The following ZNRF3 variants were observed in gnomAD, a reference collection of about 807,000 sequenced individuals.
ZNRF3 encodes E3 ubiquitin-protein ligase ZNRF3.
ZNRF3 carries 23 observed loss-of-function variants against 72.5 expected under a neutral mutation model. The observed-to-expected ratio is 0.32, with a 90% CI of 0.23 to 0.45. The LOEUF (loss-of-function observed/expected upper bound fraction) is 0.45. Among genes scored for constraint, ZNRF3 ranks in the 20% least tolerant of loss-of-function variants. ZNRF3 has a pLI of 1.00. For missense variants in ZNRF3, 1,169 were observed against 1,272.1 expected (o/e 0.92, Z 1.23); for synonymous variants, 610 against 545.3 (o/e 1.12, Z -1.65).
At chr22:28,962,990 C>T (rs1230746759) in intron 1 of ZNRF3, among the ~76,000 whole-genome samples, 2 of 152,178 alleles carry the variant, frequency 1.3e-5, no homozygotes, top group African/African-American at 4.8e-5. Flanking sequence ...ATATACATGG[C>T]CTGAATGGAT....
chr22:28,914,418 G>A (rs1251964440), intron 1 of ZNRF3, among the ~76,000 whole-genome samples: 1 of 151,366 alleles, frequency 6.6e-6, no homozygotes, highest in Non-Finnish European at 1.5e-5. Flanking sequence ...CCATTGAGAT[G>A]CTAAGAGGAA....
At chr22:29,031,487 C>G in intron 2 of ZNRF3, 1 of 708,636 alleles carries the variant, frequency 1.4e-6, no homozygotes, top group Non-Finnish European at 1.7e-6. Flanking sequence ...GCCTTGGGAG[C>G]CCCCTTGCCC....
chr22:28,941,613 T>A (rs565398789), intron 1 of ZNRF3, among the ~76,000 whole-genome samples: 2 of 152,232 alleles, frequency 1.3e-5, no homozygotes, highest in African/African-American at 4.8e-5. Context: ...GACAGACCCA[T>A]TCATTAAAAA....
intron 2 of ZNRF3, among the ~76,000 whole-genome samples, chr22:29,003,711 A>T (rs983190785): frequency 2.0e-5 from 3 of 148,696 alleles, no homozygotes; most frequent in African/African-American, 7.5e-5. Flanking sequence ...GTGGTGGTGC[A>T]TGCCTGTGGT....
At chr22:28,937,752 C>T (rs748192431) in intron 1 of ZNRF3, among the ~76,000 whole-genome samples, 6 of 152,126 alleles carry the variant, frequency 3.9e-5, no homozygotes, top group Non-Finnish European at 5.9e-5. Flanking sequence ...TCTTACCACT[C>T]GGGAGAGAAC....
At chr22:28,917,882 G>A (rs1447772978) in intron 1 of ZNRF3, among the ~76,000 whole-genome samples, 1 of 152,164 alleles carries the variant, frequency 6.6e-6, no homozygotes, top group Non-Finnish European at 1.5e-5. Context: ...TGGGCTTTTG[G>A]GGACAGGTTT....
At chr22:28,994,767 A>G (rs575812939) in intron 2 of ZNRF3, among the ~76,000 whole-genome samples, 18 of 152,350 alleles carry the variant, frequency 1.2e-4, no homozygotes, top group Admixed American at 7.2e-4. Context: ...TAAAAAAACA[A>G]TGGTATTACT....
At chr22:28,888,860 G>A (rs936874560) in intron 1 of ZNRF3, among the ~76,000 whole-genome samples, 4 of 152,080 alleles carry the variant, frequency 2.6e-5, no homozygotes, top group South Asian at 2.1e-4. Context: ...GCTCACGCCT[G>A]TAATCCCAGC....
Position 28,903,986 on chromosome 22 carries a change from CT to C in ZNRF3, c.300+19921del, listed in dbSNP as rs556486542. Among the ~76,000 whole-genome samples the C allele has an allele frequency of 7.9e-3, 1,205 of 152,224 alleles. 16 individuals carry two copies. The highest frequency in any genetic ancestry group is 0.028 in the African/African-American group (1,155 of 41,508). On this transcript the variant is annotated intron_variant, in intron 1 of 8. Coordinates refer to ENST00000544604, the MANE Select transcript of ZNRF3 (RefSeq NM_001206998.2). ...TCAGTGGGCCTTCCCGCTCAACACCCTGTCTCTCTCCTCAAAGTGTCTTGGG... is the reference window on the plus strand; with the variant it reads ...TCAGTGGGCCTTCCCGCTCAACACCCGTCTCTCTCCTCAAAGTGTCTTGGG...
At chr22:29,041,026 T>C (rs2036953117) in intron 2 of ZNRF3, among the ~76,000 whole-genome samples, 2 of 152,218 alleles carry the variant, frequency 1.3e-5, no homozygotes, top group Admixed American at 6.5e-5. Context: ...CTCTAAGCAC[T>C]AGCCATCATT....
chr22:28,910,994 C>T (rs552383355), intron 1 of ZNRF3, among the ~76,000 whole-genome samples: 37 of 152,222 alleles, frequency 2.4e-4, no homozygotes, highest in African/African-American at 6.5e-4. Context: ...AAGTGAGGTG[C>T]GGCTGGGAGA....
intron 1 of ZNRF3, among the ~76,000 whole-genome samples, chr22:28,953,914 A>C (rs2035210113): frequency 6.6e-6 from 1 of 152,128 alleles, no homozygotes. Context: ...ACTTATTTGT[A>C]TGTGACACTG....
At chr22:28,904,179 A>C (rs1314575079) in intron 1 of ZNRF3, among the ~76,000 whole-genome samples, 4 of 152,184 alleles carry the variant, frequency 2.6e-5, no homozygotes, top group African/African-American at 9.7e-5. Context: ...CTCTGTCTTT[A>C]AGTCTGAGTG....
At chr22:29,001,122 G>C (rs1348495984) in intron 2 of ZNRF3, among the ~76,000 whole-genome samples, 1 of 126,430 alleles carries the variant, frequency 7.9e-6, no homozygotes, top group African/African-American at 3.0e-5. Flanking sequence ...AGGCTGGAGT[G>C]CAGTGGCGCG....
intron 1 of ZNRF3, among the ~76,000 whole-genome samples, chr22:28,943,707 T>C (rs559789387): frequency 1.3e-4 from 20 of 152,160 alleles, no homozygotes; most frequent in Non-Finnish European, 2.1e-4. Flanking sequence ...TGTTCCTCTT[T>C]ACACTTTCCA....
chr22:28,902,912 G>C (rs981805069), intron 1 of ZNRF3, among the ~76,000 whole-genome samples: 1 of 152,126 alleles, frequency 6.6e-6, no homozygotes, highest in Non-Finnish European at 1.5e-5. Context: ...ATTCTAAAAT[G>C]GTAGCTTATC....
At chr22:29,029,152 T>A (rs1009482580) in intron 2 of ZNRF3, among the ~76,000 whole-genome samples, 1 of 152,228 alleles carries the variant, frequency 6.6e-6, no homozygotes, top group Non-Finnish European at 1.5e-5. Flanking sequence ...CACACTGACA[T>A]GCTCTGGCAA....
intron 2 of ZNRF3, among the ~76,000 whole-genome samples, chr22:29,034,296 A>G (rs955144767): frequency 1.3e-5 from 2 of 152,190 alleles, no homozygotes; most frequent in Non-Finnish European, 2.9e-5. Flanking sequence ...ATGTTTCCAT[A>G]CTGATAACCA....
In ZNRF3 at chr22:28,924,474, G is replaced by A. The variant is rs924231549; in HGVS notation, c.300+40408G>A. ...ATCAAAAAGTAGGTAAGCAGCCAGGGCATGGTGGCTCACGCCTGTCATCTC... is the reference window on the plus strand; with the variant it reads ...ATCAAAAAGTAGGTAAGCAGCCAGGACATGGTGGCTCACGCCTGTCATCTC... On this transcript the variant is annotated intron_variant, in intron 1 of 8. Transcript: ENST00000544604. 5.8e-4 allele frequency among the ~76,000 whole-genome samples: 88 copies of A among 152,156 alleles called. 1 individual carries two copies. Among genetic ancestry groups the A allele is most frequent in the Non-Finnish European group, 1.1e-3 (72 of 68,032 alleles).
Sources: allele counts gnomAD v4.1 joint callset (sites outside exome capture counted in the v4.1 genomes callset), GRCh38; gene constraint gnomAD v4.1.1; transcripts MANE v1.5; gene names NCBI Gene and HGNC (gene_info 2026-07-23, HGNC 2026-07-21).